AGBL1: variants seen among roughly 807,000 people sequenced by gnomAD.
AGBL1 encodes cytosolic carboxypeptidase 4.
Under a neutral mutation model 118.9 loss-of-function variants are expected in AGBL1, and 130 were observed. That is an observed-to-expected ratio of 1.09 (90% CI 0.95 to 1.26). The LOEUF (loss-of-function observed/expected upper bound fraction) is 1.26. Among genes scored for constraint, AGBL1 ranks in the 50% most tolerant of loss-of-function variants. AGBL1 has a pLI of 0.00. For synonymous variants in AGBL1, 555 were observed against 478.9 expected (o/e 1.16, Z -2.08); for missense variants, 1,584 against 1,298.1 (o/e 1.22, Z -3.38).
At chr15:86,190,563 A>C (rs1364938261) in intron 5 of AGBL1, among the ~76,000 whole-genome samples, 1 of 152,122 alleles carries the variant, frequency 6.6e-6, no homozygotes, top group Non-Finnish European at 1.5e-5. Context: ...CCCTAGGTAA[A>C]TGCATCATAA....
chr15:86,974,792 C>A (rs2081156332), intron 23 of AGBL1, among the ~76,000 whole-genome samples: 1 of 151,462 alleles, frequency 6.6e-6, no homozygotes, highest in South Asian at 2.1e-4. Context: ...GAATCTCAAG[C>A]AAGTTAGTTG....
intron 21 of AGBL1, among the ~76,000 whole-genome samples, chr15:86,671,056 T>G (rs1690286259): frequency 6.6e-6 from 1 of 152,132 alleles, no homozygotes; most frequent in Admixed American, 6.5e-5. Context: ...CTAACCCTCT[T>G]CTCTCTTACC....
At chr15:86,356,552 A>G (rs2080724288) in intron 17 of AGBL1, among the ~76,000 whole-genome samples, 1 of 152,134 alleles carries the variant, frequency 6.6e-6, no homozygotes, top group Admixed American at 6.5e-5. Context: ...GTCTTAGGCT[A>G]GAATCCAAGC....
At chr15:86,140,431 T>C (rs2076948026) in intron 1 of AGBL1, among the ~76,000 whole-genome samples, 1 of 152,124 alleles carries the variant, frequency 6.6e-6, no homozygotes, top group African/African-American at 2.4e-5. Context: ...TGGAGTTCTT[T>C]TTGGTTCAGT....
chr15:86,828,833 C>G (rs550329100), intron 22 of AGBL1, among the ~76,000 whole-genome samples: 1 of 151,502 alleles, frequency 6.6e-6, no homozygotes, highest in South Asian at 2.1e-4. Flanking sequence ...GCAAATTACT[C>G]ACTGCCTGCA....
chr15:86,999,119 C>T lies in AGBL1; in HGVS notation c.3323+11031C>T, dbSNP rs1278600189. ...GAACATGCAGTGTTTGTTTTTTCGT[C>T]CTTCGATAGTTTGCTGAGAACGATG... On this transcript the variant is annotated intron_variant, in intron 24 of 24. Coordinates refer to the AGBL1 transcript ENST00000441037. Among the ~76,000 whole-genome samples, 4 of 148,146 alleles carry T rather than the reference C, an allele frequency of 2.7e-5. No individual in the cohort carries two copies. In the East Asian group the frequency reaches 8.2e-4, roughly 30 times the overall value.
intron 19 of AGBL1, among the ~76,000 whole-genome samples, chr15:86,539,215 G>A (rs1388298566): frequency 6.6e-6 from 1 of 152,148 alleles, no homozygotes; most frequent in African/African-American, 2.4e-5. Flanking sequence ...CTTCAATTCT[G>A]CATTTCTTCC....
At chr15:86,695,964 G>A (rs1397468752) in intron 22 of AGBL1, among the ~76,000 whole-genome samples, 3 of 151,942 alleles carry the variant, frequency 2.0e-5, no homozygotes, top group South Asian at 2.1e-4. Flanking sequence ...CAAAGTACTT[G>A]ATATAATTTA....
In AGBL1 at chr15:86,221,105, G is replaced by T. The variant is rs142980865; in HGVS notation, c.489-3809G>T. 8.6e-4 allele frequency among the ~76,000 whole-genome samples: 131 copies of T among 152,204 alleles called. 1 individual carries two copies. The highest frequency in any genetic ancestry group is 3.0e-3 in the African/African-American group (123 of 41,516). On this transcript the variant is annotated intron_variant, in intron 5 of 22. Transcript: ENST00000614907. Reference sequence around the variant, plus strand: ...CCCAGCTACCTGGGAGGCTGAATCAGGAGACTCACTCGAACCCAAGAGGTG... The same window carrying T: ...CCCAGCTACCTGGGAGGCTGAATCATGAGACTCACTCGAACCCAAGAGGTG...
At chr15:86,964,035 G>A (rs373998164) in intron 23 of AGBL1, among the ~76,000 whole-genome samples, 11 of 72,456 alleles carry the variant, frequency 1.5e-4, no homozygotes, top group Non-Finnish European at 3.0e-4. Context: ...CTCTCTCTGT[G>A]TGTGTGTGTG....
At chr15:86,892,355 T>C (rs1176034920) in intron 22 of AGBL1, among the ~76,000 whole-genome samples, 1 of 152,164 alleles carries the variant, frequency 6.6e-6, no homozygotes, top group Non-Finnish European at 1.5e-5. Flanking sequence ...GAGCTCTAGA[T>C]CATGTAACAG....
At chr15:86,887,443 G>A (rs370389310) in intron 22 of AGBL1, among the ~76,000 whole-genome samples, 37 of 152,128 alleles carry the variant, frequency 2.4e-4, no homozygotes, top group Non-Finnish European at 3.8e-4. Flanking sequence ...GGGCTTTTGC[G>A]CAGTTTATAC....
chr15:86,470,105 T>A (rs2082459815), intron 18 of AGBL1, among the ~76,000 whole-genome samples: 1 of 152,180 alleles, frequency 6.6e-6, no homozygotes, highest in East Asian at 1.9e-4. Context: ...ATTTTTGCTT[T>A]TATTGCCTGT....
intron 22 of AGBL1, among the ~76,000 whole-genome samples, chr15:86,814,801 C>A (rs1158042076): frequency 6.6e-6 from 1 of 152,168 alleles, no homozygotes; most frequent in African/African-American, 2.4e-5. Flanking sequence ...CAAGTTAATT[C>A]TTTGGGACTT....
intron 22 of AGBL1, among the ~76,000 whole-genome samples, chr15:86,721,037 C>A (rs2142720280): frequency 6.6e-6 from 1 of 152,180 alleles, no homozygotes; most frequent in South Asian, 2.1e-4. Flanking sequence ...AGTCCAGGAC[C>A]AGATGGATTC....
chr15:86,430,489 C>CAAAA (rs556112771), intron 18 of AGBL1, among the ~76,000 whole-genome samples: 3 of 85,298 alleles, frequency 3.5e-5, no homozygotes, highest in African/African-American at 8.5e-5. Context: ...AGCGCCGTCG[C>CAAAA]AAAAAAAAAA....
intron 21 of AGBL1, among the ~76,000 whole-genome samples, chr15:86,639,863 G>A (rs997703542): frequency 3.3e-5 from 5 of 152,152 alleles, no homozygotes; most frequent in Non-Finnish European, 5.9e-5. Flanking sequence ...TTTTCTGGGT[G>A]CAGGTTTTTA....
chr15:86,568,256 A>C (rs2083946454), intron 21 of AGBL1, among the ~76,000 whole-genome samples: 1 of 152,154 alleles, frequency 6.6e-6, no homozygotes, highest in African/African-American at 2.4e-5. Flanking sequence ...CAAGAGTTTA[A>C]GAACAGATAT....
intron 22 of AGBL1, among the ~76,000 whole-genome samples, chr15:86,699,640 T>C (rs1228916698): frequency 6.6e-6 from 1 of 152,082 alleles, no homozygotes; most frequent in East Asian, 1.9e-4. Context: ...TTTGATTAAA[T>C]TTAGCTTATC....
Sources: gnomAD v4.1 joint callset for allele counts (sites outside exome capture counted in the v4.1 genomes callset) on GRCh38, gnomAD v4.1.1 for gene constraint, MANE v1.5 for transcripts, NCBI Gene and HGNC (gene_info 2026-07-23, HGNC 2026-07-21) for gene names.